The following SART3 variants were observed in gnomAD, a reference collection of about 807,000 sequenced individuals.
SART3 encodes HIV-1 Tat-interacting protein of 110kDa.
A neutral mutation model predicts 122.3 loss-of-function variants in SART3; 44 were observed. The ratio of observed to expected loss-of-function variants is 0.36; its 90% confidence interval spans 0.28 to 0.46. The LOEUF (loss-of-function observed/expected upper bound fraction) is 0.46, where lower values mean the gene tolerates loss of function less well. SART3 is among the 20% of genes least tolerant of loss of function. The pLI, the probability that SART3 is intolerant of heterozygous loss-of-function variation, is 1.00. For missense variants in SART3, 1,101 were observed against 1,229.0 expected (o/e 0.90, Z 1.56); for synonymous variants, 442 against 454.0 (o/e 0.97, Z 0.34).
At chr12:108,557,366 C>G (rs370550324) in intron 1 of SART3, among the ~76,000 whole-genome samples, 8 of 151,960 alleles carry the variant, frequency 5.3e-5, no homozygotes, top group African/African-American at 1.9e-4. Context: ...AACATAGATG[C>G]TTTAAAGGAA....
rs534748227 is a variant in SART3 at position 108,533,689 on chromosome 12, C to T, written c.1557-1355G>A. Among the ~76,000 whole-genome samples, 177 of 152,318 alleles carry T rather than the reference C, an allele frequency of 1.2e-3. 4 individuals are homozygous for T. The South Asian group carries it at 0.032, about 27-fold the overall frequency. ...GCTTCCTACTTAAAATACTTTTCAA[C>T]TAAGATCAATACAGATATGAACAAA... On this transcript the variant is annotated intron_variant, in intron 12 of 18. Transcript: ENST00000546815.
At chr12:108,524,033 C>G (rs1005123449) in intron 18 of SART3, 2 of 560,608 alleles carry the variant, frequency 3.6e-6, no homozygotes, top group Admixed American at 3.1e-5. Context: ...ACACACAGAT[C>G]CAACTGGCAA....
chr12:108,540,065 G>T (rs1323640644), intron 6 of SART3, among the ~76,000 whole-genome samples: 1 of 152,086 alleles, frequency 6.6e-6, no homozygotes, highest in Non-Finnish European at 1.5e-5. Flanking sequence ...TAGAAAAAAA[G>T]AGTCAAGAAG....
At chr12:108,546,590 G>A (rs796937599) in intron 3 of SART3, among the ~76,000 whole-genome samples, 29 of 149,840 alleles carry the variant, frequency 1.9e-4, no homozygotes, top group African/African-American at 6.6e-4. Context: ...GCACAATCTC[G>A]GCCCACTGCA....
At chr12:108,530,362 G>C (rs781702858) in intron 14 of SART3, 52 bp from the exon 15 acceptor site, 1 of 1,589,576 alleles carries the variant, frequency 6.3e-7, no homozygotes, top group South Asian at 1.1e-5. Flanking sequence ...TACATTCACT[G>C]TACTGATTTG....
Position 108,547,205 on chromosome 12 carries a change from T to C in SART3, c.544+682A>G, listed in dbSNP as rs559193167. Among the ~76,000 whole-genome samples, 171 of 152,318 alleles carry C rather than the reference T, an allele frequency of 1.1e-3. 1 individual carries two copies. Among genetic ancestry groups the C allele is most frequent in the African/African-American group, 3.9e-3 (162 of 41,562 alleles). The stretch of plus-strand genomic sequence containing the variant: ...ATGGAGAAAATATTTAAGACAATTA[T>C]ACTATATACAAGGGACGGTAAAGAG... On this transcript the variant is annotated intron_variant, in intron 3 of 18. Coordinates refer to ENST00000546815, the MANE Select transcript of SART3 (RefSeq NM_014706.4).
chr12:108,559,409 T>C (rs537765921), intron 1 of SART3, among the ~76,000 whole-genome samples: 1 of 152,322 alleles, frequency 6.6e-6, no homozygotes, highest in South Asian at 2.1e-4. Flanking sequence ...CTCACACCTG[T>C]AATCTCAGCA....
At chr12:108,538,745 T>C (rs1012654994) in intron 7 of SART3, among the ~76,000 whole-genome samples, 189 bp downstream of exon 7, 1 of 152,248 alleles carries the variant, frequency 6.6e-6, no homozygotes, top group Admixed American at 6.5e-5. Context: ...TCATTTTACT[T>C]ACAGTTAGTG....
At position 108,549,172 on chromosome 12, in the gene SART3, T is replaced by C. The variant is rs1284506410; in HGVS notation, c.355A>G (p.Ile119Val). 1 of 1,614,210 alleles carries C rather than the reference T, an allele frequency of 6.2e-7. No individual in the cohort carries two copies. Among genetic ancestry groups the C allele is most frequent in the Admixed American group, 1.7e-5 (1 of 60,032 alleles). The part of the protein sequence containing the change: ...VYDYNCHVDL[I>V]RLLRLEGELT... Reference sequence around the variant, plus strand: ...TCCCCTTCCAGCCTGAGCAGTCTGATCAAGTCCACATGGCAGTTGTAGTCA... The same window carrying C: ...TCCCCTTCCAGCCTGAGCAGTCTGACCAAGTCCACATGGCAGTTGTAGTCA... Residue 119 changes from isoleucine (I) to valine (V), a missense_variant, in exon 2 of 19, where the codon ATC (isoleucine) becomes GTC (valine). By Grantham distance (29) the Ile-to-Val change is conservative. Around this residue, in one of 2 missense-constraint regions of SART3, gnomAD observed 885 missense variants for 1,080.1 expected, o/e 0.82. Transcript: ENST00000546815.
chr12:108,549,972 C>T (rs78666522), intron 1 of SART3, among the ~76,000 whole-genome samples: 12,299 of 145,498 alleles, frequency 0.085, 630 homozygotes, highest in South Asian at 0.21. Context: ...GAGACCACAC[C>T]ACTGCACTCT....
rs1250473547 is a variant in SART3, at chr12:108,561,111, T to A, written c.44A>T (p.Glu15Val). The change falls in exon 1 of 19, where the codon GAG (glutamate) becomes GTG (valine). Residue 15 changes from glutamate to valine, a missense_variant. Coordinates refer to ENST00000546815, the MANE Select transcript of SART3 (RefSeq NM_014706.4). ...AETSASEPEA[E>V]SKAGPKADGE... ...GTCAGCCTTGGGCCCAGCCTTGGAC[T>A]CAGCCTCGGGTTCTGAAGCCGAGGT... is the stretch of plus-strand genomic sequence containing the variant. 2.5e-6 allele frequency: 4 copies of A among 1,613,638 alleles called. No homozygotes were observed. In the African/African-American group the frequency reaches 5.3e-5, roughly 22 times the overall value.
Position 108,561,010 on chromosome 12 carries a change from T to G in SART3, c.145A>C (p.Lys49Gln), listed in dbSNP as rs746449043. The G allele has an allele frequency of 1.9e-6, 3 of 1,614,084 alleles. No individual in the cohort carries two copies. The highest frequency in any genetic ancestry group is 2.2e-5 in the East Asian group (1 of 44,894). The part of the protein sequence containing the change: ...LSRAVAAATY[K>Q]TMGPAWDQQE... ...TGATCCCACGCTGGCCCCATGGTCT[T>G]GTATGTCGCAGCGGCCACAGCCCGC... The change falls in exon 1 of 19, where the codon AAG (lysine) becomes CAG (glutamine). Residue 49 changes from lysine (K) to glutamine (Q), a missense_variant. Around this residue, in one of 2 missense-constraint regions of SART3, gnomAD observed 216 missense variants for 148.9 expected, o/e 1.45. Transcript: ENST00000546815.
chr12:108,532,136 T>C (rs1872706680), intron 13 of SART3, 86 bp downstream of exon 13: 9 of 1,130,686 alleles, frequency 8.0e-6, no homozygotes, highest in Admixed American at 1.8e-5. Flanking sequence ...ACACAGTCTG[T>C]CCCCAGACTG....
At chr12:108,553,099 G>T (rs73189241) in intron 1 of SART3, among the ~76,000 whole-genome samples, 30,279 of 152,094 alleles carry the variant, frequency 0.2, 3,864 homozygotes, top group East Asian at 0.49. Context: ...TTCAAAAAAT[G>T]ATGCTGGAGC....
At chr12:108,545,351 T>A in intron 3 of SART3, 28 bp from the exon 4 acceptor site, 1 of 1,611,986 alleles carries the variant, frequency 6.2e-7, no homozygotes, top group Non-Finnish European at 8.5e-7. Flanking sequence ...TCAATTAGTT[T>A]GGGATATAAA....
chr12:108,539,656 T>C (rs2136677668), intron 6 of SART3, among the ~76,000 whole-genome samples: 1 of 152,366 alleles, frequency 6.6e-6, no homozygotes, highest in African/African-American at 2.4e-5. Context: ...CAGGCACATT[T>C]TGCTGATGGC....
At chr12:108,557,888 G>A (rs1376560194) in intron 1 of SART3, among the ~76,000 whole-genome samples, 2 of 152,196 alleles carry the variant, frequency 1.3e-5, no homozygotes, top group African/African-American at 2.4e-5. Context: ...TCAAGGCCAC[G>A]TGCAGTAGCT....
chr12:108,530,065 G>C lies in SART3; in HGVS notation c.1915+77C>G, dbSNP rs890131570. On this transcript the variant is annotated intron_variant, in intron 15 of 18. Coordinates refer to ENST00000546815, the MANE Select transcript of SART3 (RefSeq NM_014706.4). ...ATCAAGCTGGTAACGGTTCAGGGAA[G>C]AAAGTTCTTCATACTGTATTCGCAA... The C allele has an allele frequency of 2.2e-5, 33 of 1,531,636 alleles. No homozygotes were observed. The African/African-American group carries it at 4.2e-4, about 20-fold the overall frequency. 94.9% of individuals were successfully genotyped at this position (1,531,636 alleles called of 1,614,324 possible).
In SART3 at chr12:108,549,197, A is replaced by G. The variant is rs1344365970; in HGVS notation, c.330T>C (p.Tyr110=). 6.2e-7 allele frequency: 1 copy of G among 1,614,214 alleles called. No homozygotes were observed. The highest frequency in any genetic ancestry group is 1.7e-5 in the Admixed American group (1 of 60,030). ...RLEEQLSINV[Y]DYNCHVDLIR... ...TCAAGTCCACATGGCAGTTGTAGTC[A>G]TAGACGTTGATAGACAACTAACAGG... Residue 110 remains tyrosine (Y), a synonymous_variant, in exon 2 of 19, where the codon TAT becomes TAC. Coordinates refer to ENST00000546815, the MANE Select transcript of SART3 (RefSeq NM_014706.4).
Sources: allele counts gnomAD v4.1 joint callset (sites outside exome capture counted in the v4.1 genomes callset), GRCh38; gene constraint gnomAD v4.1.1; regional missense constraint gnomAD v4.1.1; transcripts MANE v1.5; gene names NCBI Gene and HGNC (gene_info 2026-07-23, HGNC 2026-07-21).